The following RHBDF1 variants were observed in gnomAD, a reference collection of about 807,000 sequenced individuals.
The protein encoded by RHBDF1 is inactive rhomboid protein 1.
A neutral mutation model predicts 98.6 loss-of-function variants in RHBDF1; 80 were observed. The ratio of observed to expected loss-of-function variants is 0.81; its 90% confidence interval spans 0.68 to 0.98. The LOEUF (loss-of-function observed/expected upper bound fraction) is 0.98. RHBDF1 is among the 50% of genes least tolerant of loss of function. RHBDF1 has a pLI of 0.00. For missense variants in RHBDF1, 1,116 were observed against 1,198.3 expected, an observed-to-expected ratio of 0.93 and a Z score of 1.01; for synonymous variants, 512 against 486.8, an observed-to-expected ratio of 1.05 and a Z score of -0.68.
At chr16:67,080 A>G (rs1897849065) in intron 1 of RHBDF1, among the ~76,000 whole-genome samples, 4 of 152,146 alleles carry the variant, frequency 2.6e-5, no homozygotes, top group Non-Finnish European at 1.5e-5. Flanking sequence ...CACAGGGTAT[A>G]TGGACTGCAG....
intron 1 of RHBDF1, among the ~76,000 whole-genome samples, chr16:71,757 G>A (rs116651183): frequency 0.015 from 2,300 of 151,092 alleles, 57 homozygotes; most frequent in African/African-American, 0.051. Context: ...CCCATTCCCC[G>A]CCCAGCCCCA....
chr16:62,187 G>A, intron 7 of RHBDF1, 135 bp from the exon 8 acceptor site: 2 of 1,291,376 alleles, frequency 1.5e-6, no homozygotes. Flanking sequence ...CCTTCTCCTT[G>A]CCAGTAAAAA....
At position 67,804 on chromosome 16, in the gene RHBDF1, G is replaced by A. The variant is rs7199793; in HGVS notation, c.-24-2765C>T. 5.1e-3 allele frequency among the ~76,000 whole-genome samples: 780 copies of A among 152,318 alleles called. 6 individuals carry two copies. Among genetic ancestry groups the A allele is most frequent in the African/African-American group, 0.016 (681 of 41,552 alleles). On this transcript the variant is annotated intron_variant, in intron 1 of 17. Transcript: ENST00000262316. The stretch of plus-strand genomic sequence containing the variant: ...TGATCACTGAACAACGCAGGCCATC[G>A]GGGTCCCTAATCTGGGGTAACGGAG...
In RHBDF1 at chr16:64,761, GGGT is replaced by G. The variant is rs1567116940; in HGVS notation, c.183_185del (p.Pro62del). ...GCACCGGCCGCCGGAGCTCATGGTG[GGGT>G]GAAGAGATGTGGGCTGTCTCGGCTG... is the stretch of plus-strand genomic sequence containing the variant. On this transcript the variant is annotated inframe_deletion, in exon 3 of 18. Transcript: ENST00000262316. 1 of 1,614,100 alleles carries G rather than the reference GGGT, an allele frequency of 6.2e-7. No homozygotes were observed. The highest frequency in any genetic ancestry group is 8.5e-7 in the Non-Finnish European group (1 of 1,179,990).
intron 1 of RHBDF1, among the ~76,000 whole-genome samples, chr16:71,136 G>A (rs557198656): frequency 4.6e-5 from 7 of 152,238 alleles, no homozygotes; most frequent in Middle Eastern, 3.4e-3. Context: ...AACCAAGAGC[G>A]CACCCTAGAA....
Position 60,426 on chromosome 16 carries a change from C to T in RHBDF1, c.1658+13G>A, listed in dbSNP as rs372015255. On this transcript the variant is annotated intron_variant, in intron 12 of 17. Transcript: ENST00000262316. ...GGACAAAGGCAGGTGAGAGAGCTGC[C>T]GGCAGGACTAACCTGGGATCCTGGT... is the stretch of plus-strand genomic sequence containing the variant. The T allele has an allele frequency of 2.4e-5, 39 of 1,610,228 alleles. No homozygotes were observed. The highest frequency in any genetic ancestry group is 1.1e-4 in the African/African-American group (8 of 74,876).
At chr16:65,153 C>T (rs1473373736) in intron 1 of RHBDF1, 114 bp from the exon 2 acceptor site, 2 of 1,118,994 alleles carry the variant, frequency 1.8e-6, no homozygotes, top group South Asian at 1.8e-5. Flanking sequence ...GTGCTCATGT[C>T]CCCCACTGTC....
In RHBDF1 at chr16:59,746, A is replaced by G. The variant is rs1897536656; in HGVS notation, c.1803T>C (p.Ile601=). 1.9e-6 allele frequency: 3 copies of G among 1,614,094 alleles called. No individual in the cohort carries two copies. In the East Asian group the frequency reaches 6.7e-5, roughly 36 times the overall value. ...DCVITGRPCC[I]GTKGRCEITS... is the part of the protein sequence containing the mutation. ...CGCACACGTACCTGCCCTTGGTGCC[A>G]ATGCAGCAGGGCCGTCCTGTGATGA... Residue 601 remains isoleucine (I), a synonymous_variant, in exon 14 of 18, where the codon ATT becomes ATC. Transcript: ENST00000262316.
intron 13 of RHBDF1, 67 bp downstream of exon 13, chr16:60,149 G>A: frequency 2.5e-6 from 4 of 1,610,974 alleles, no homozygotes; most frequent in Non-Finnish European, 3.4e-6. Context: ...TCACCAGTGG[G>A]TGGGGTGTGG....
At chr16:73,224 G>A (rs1280598360), upstream of RHBDF1, among the ~76,000 whole-genome samples, 7 of 151,960 alleles carry the variant, frequency 4.6e-5, no homozygotes, top group African/African-American at 1.2e-4. Flanking sequence ...GTACATACAC[G>A]TGCACACACA....
intron 1 of RHBDF1, 141 bp from the exon 2 acceptor site, chr16:65,180 C>T: frequency 1.1e-6 from 1 of 892,156 alleles, no homozygotes; most frequent in Non-Finnish European, 1.6e-6. Context: ...CTACTGTGTG[C>T]TCAGCACCGA....
chr16:64,806 C>A lies in RHBDF1; in HGVS notation c.141G>T (p.Leu47=), dbSNP rs919175684. The A allele has an allele frequency of 4.3e-6, 7 of 1,614,076 alleles. No homozygotes were observed. Among genetic ancestry groups the A allele is most frequent in the Non-Finnish European group, 5.9e-6 (7 of 1,180,020 alleles). Residue 47 remains leucine (L), a synonymous_variant, in exon 3 of 18, where the codon CTG becomes CTT. Transcript: ENST00000262316. ...FLQPLRRQAF[L]RSVSMPAETA... is the part of the protein sequence containing the mutation. ...TCTCGGCTGGCATACTCACACTCCT[C>A]AGGAAAGCCTGTCGCCTCAGGGGCT...
intron 2 of RHBDF1, 24 bp from the exon 3 acceptor site, chr16:64,853 G>C: frequency 6.2e-7 from 1 of 1,614,072 alleles, no homozygotes; most frequent in Non-Finnish European, 8.5e-7. Flanking sequence ...TCATGGTGAG[G>C]GTACTGGACA....
In RHBDF1 at chr16:62,626, G is replaced by T; in HGVS notation, c.865C>A (p.Leu289Ile). Residue 289 changes from leucine to isoleucine, a missense_variant, in exon 7 of 18, where the codon CTA (leucine) becomes ATA (isoleucine). By Grantham distance (5) the Leu-to-Ile change is conservative. Transcript: ENST00000262316. ...EVFESPSEAA[L>I]KDWEKAPEQA... Reference sequence around the variant, plus strand: ...TCCGGTGCCTTCTCCCAGTCCTTTAGCGCTGCCTCCGATGGGGACTCGAAA... The same window carrying T: ...TCCGGTGCCTTCTCCCAGTCCTTTATCGCTGCCTCCGATGGGGACTCGAAA... 3 of 1,614,048 alleles carry T rather than the reference G, an allele frequency of 1.9e-6. No homozygotes were observed. Among genetic ancestry groups the T allele is most frequent in the Non-Finnish European group, 2.5e-6 (3 of 1,180,036 alleles).
At chr16:68,132 A>G (rs1420288526) in intron 1 of RHBDF1, among the ~76,000 whole-genome samples, 1 of 152,180 alleles carries the variant, frequency 6.6e-6, no homozygotes, top group African/African-American at 2.4e-5. Context: ...ACCAGCCGCC[A>G]TGCCTCTACA....
In RHBDF1 at chr16:62,791, G is replaced by A. The variant is rs1897687127; in HGVS notation, c.779C>T (p.Thr260Ile). Residue 260 changes from threonine to isoleucine, a missense_variant, in exon 6 of 18, where the codon ACA (threonine) becomes ATA (isoleucine). Transcript: ENST00000262316. ...DTTDFPDELD[T>I]SFFAREGILH... ...ACTTCTTACCCGGGCAAAGAAGGAT[G>A]TGTCCAGCTCATCGGGGAAATCAGT... 3 of 1,614,122 alleles carry A rather than the reference G, an allele frequency of 1.9e-6. No homozygotes were observed. The highest frequency in any genetic ancestry group is 4.5e-5 in the East Asian group (2 of 44,890).
intron 3 of RHBDF1, 134 bp from the exon 4 acceptor site, chr16:63,934 A>G (rs1897746137): frequency 1.2e-6 from 1 of 812,280 alleles, no homozygotes; most frequent in African/African-American, 1.7e-5. Flanking sequence ...TGAGTGGGCA[A>G]GGTCTAATAA....
chr16:61,290 G>A lies in RHBDF1; in HGVS notation c.1396-9C>T. The A allele has an allele frequency of 1.9e-6, 3 of 1,542,694 alleles. No individual in the cohort carries two copies. In the South Asian group the frequency reaches 3.6e-5, roughly 18 times the overall value. On this transcript the variant is annotated splice_polypyrimidine_tract_variant and intron_variant, in intron 10 of 17. Coordinates refer to ENST00000262316, the MANE Select transcript of RHBDF1 (RefSeq NM_022450.5). Reference sequence around the variant, plus strand: ...AGGTGGATGAGGGCCTCCTGCGGGCGAGGGAGACGAGCGGCCGCAGTCCGG... The same window carrying A: ...AGGTGGATGAGGGCCTCCTGCGGGCAAGGGAGACGAGCGGCCGCAGTCCGG...
upstream of RHBDF1, chr16:73,803 C>T (rs994857428): frequency 7.2e-6 from 2 of 277,188 alleles, no homozygotes; most frequent in Non-Finnish European, 1.1e-5. Context: ...GTCTGGGTGG[C>T]ACCAGCCCTC....
Sources: gnomAD v4.1 joint callset for allele counts (sites outside exome capture counted in the v4.1 genomes callset) on GRCh38, gnomAD v4.1.1 for gene constraint, MANE v1.5 for transcripts, NCBI Gene and HGNC (gene_info 2026-07-23, HGNC 2026-07-21) for gene names.